Variants in MCUB observed in about 807,000 individuals in gnomAD.
MCUB encodes the protein calcium uniporter regulatory subunit MCUb, mitochondrial.
A neutral mutation model predicts 41.4 loss-of-function variants in MCUB; 46 were observed. That is an observed-to-expected ratio of 1.11 (90% CI 0.88 to 1.42). The LOEUF (loss-of-function observed/expected upper bound fraction) is 1.42, where lower values mean the gene tolerates loss of function less well. MCUB is among the 40% of genes most tolerant of loss of function. MCUB has a pLI of 0.00. For missense variants in MCUB, 403 were observed against 404.9 expected (o/e 1.00, Z 0.04); for synonymous variants, 148 against 148.2 (o/e 1.00, Z 0.01).
intron 1 of MCUB, among the ~76,000 whole-genome samples, chr4:109,586,385 G>C (rs184420185): frequency 6.6e-6 from 1 of 152,058 alleles, no homozygotes. Context: ...GCTTCCTTGC[G>C]ATGGGTTCGA....
intron 1 of MCUB, among the ~76,000 whole-genome samples, chr4:109,581,155 C>G (rs978623026): frequency 6.6e-6 from 1 of 152,198 alleles, no homozygotes; most frequent in Non-Finnish European, 1.5e-5. Context: ...GTAACCAAAA[C>G]AGCATGGTAC....
chr4:109,650,391 G>T (rs888470342), intron 1 of MCUB, among the ~76,000 whole-genome samples: 10 of 152,110 alleles, frequency 6.6e-5, no homozygotes, highest in Non-Finnish European at 2.9e-5. Context: ...TGCAAAAAAG[G>T]TTTAATATTT....
chr4:109,682,066 G>A (rs977328499), intron 4 of MCUB, among the ~76,000 whole-genome samples: 1 of 87,558 alleles, frequency 1.1e-5, no homozygotes, highest in Admixed American at 1.0e-4. Flanking sequence ...TAGCATTTTA[G>A]TGAGTTCTCT....
chr4:109,595,861 C>T (rs1458334083), intron 1 of MCUB, among the ~76,000 whole-genome samples: 1 of 151,856 alleles, frequency 6.6e-6, no homozygotes, highest in Admixed American at 6.5e-5. Flanking sequence ...AGAGGGAGCC[C>T]TGTTTGTCAC....
intron 4 of MCUB, among the ~76,000 whole-genome samples, chr4:109,682,122 G>A (rs59305682): frequency 0.025 from 3,837 of 152,282 alleles, 146 homozygotes; most frequent in African/African-American, 0.088. Context: ...AAAGGTGGAT[G>A]CGGTCACCTT....
chr4:109,650,207 C>T (rs1358637197), intron 1 of MCUB, among the ~76,000 whole-genome samples: 2 of 152,102 alleles, frequency 1.3e-5, no homozygotes, highest in Non-Finnish European at 2.9e-5. Context: ...TTAATAATAA[C>T]CCTCTAAAAA....
chr4:109,610,682 G>A (rs1456284932), intron 1 of MCUB, among the ~76,000 whole-genome samples: 1 of 152,116 alleles, frequency 6.6e-6, no homozygotes, highest in Non-Finnish European at 1.5e-5. Context: ...TGCATCCTTA[G>A]GCGATTTCAT....
At chr4:109,684,375 A>G (rs1579100673) in intron 5 of MCUB, 68 bp from the exon 6 acceptor site, 2 of 1,316,092 alleles carry the variant, frequency 1.5e-6, no homozygotes, top group Admixed American at 2.4e-5. Context: ...GTTCCTTTTC[A>G]TCTTGCTTTT....
intron 1 of MCUB, among the ~76,000 whole-genome samples, chr4:109,582,081 T>G (rs1484322492): frequency 1.3e-5 from 2 of 152,242 alleles, no homozygotes; most frequent in East Asian, 1.9e-4. Flanking sequence ...CATGCACACA[T>G]GTTTATTGAG....
At chr4:109,657,594 A>C (rs1729133807) in intron 1 of MCUB, among the ~76,000 whole-genome samples, 1 of 152,252 alleles carries the variant, frequency 6.6e-6, no homozygotes. Flanking sequence ...AGTATGTTAC[A>C]GCCACCGTGT....
chr4:109,598,738 G>A lies in MCUB; in HGVS notation c.99+38302G>A, dbSNP rs947222817. 9.0e-4 allele frequency among the ~76,000 whole-genome samples: 137 copies of A among 152,120 alleles called. 2 individuals carry two copies. The highest frequency in any genetic ancestry group is 6.5e-4 in the Non-Finnish European group (44 of 68,018). On this transcript the variant is annotated intron_variant, in intron 1 of 7. Transcript: ENST00000394650. Reference sequence around the variant, plus strand: ...AGGCCTGGTTACAAAGGATTTGTCCGAGAACATCAAGCTGAGACTTCTTAT... The same window carrying A: ...AGGCCTGGTTACAAAGGATTTGTCCAAGAACATCAAGCTGAGACTTCTTAT...
intron 1 of MCUB, among the ~76,000 whole-genome samples, chr4:109,573,369 C>T (rs562378635): frequency 6.6e-5 from 10 of 151,144 alleles, no homozygotes; most frequent in Admixed American, 1.3e-4. Context: ...AGCAGAACCG[C>T]GTAAACCTGG....
At chr4:109,634,652 T>C (rs771496453) in intron 1 of MCUB, among the ~76,000 whole-genome samples, 2 of 152,220 alleles carry the variant, frequency 1.3e-5, no homozygotes, top group African/African-American at 2.4e-5. Context: ...TCTTTTTTGC[T>C]TAACTTTGTG....
intron 1 of MCUB, among the ~76,000 whole-genome samples, chr4:109,603,577 C>G (rs539489555): frequency 1.3e-5 from 2 of 151,658 alleles, no homozygotes; most frequent in Non-Finnish European, 2.9e-5. Flanking sequence ...AGGTGAGGAG[C>G]GTCTCTACCT....
intron 1 of MCUB, among the ~76,000 whole-genome samples, chr4:109,564,890 A>G (rs1307809700): frequency 6.6e-6 from 1 of 152,236 alleles, no homozygotes; most frequent in Non-Finnish European, 1.5e-5. Flanking sequence ...CAGTACTACC[A>G]TCTTTCTTTG....
At chr4:109,592,019 T>G (rs980842687) in intron 1 of MCUB, among the ~76,000 whole-genome samples, 1 of 152,154 alleles carries the variant, frequency 6.6e-6, no homozygotes, top group Non-Finnish European at 1.5e-5. Flanking sequence ...TTTTCTTAAC[T>G]TGATCTTTTA....
intron 1 of MCUB, among the ~76,000 whole-genome samples, chr4:109,655,728 C>T (rs1729080018): frequency 6.6e-6 from 1 of 152,058 alleles, no homozygotes; most frequent in South Asian, 2.1e-4. Context: ...TAGCATGTTG[C>T]CACGAAGCCT....
chr4:109,607,001 C>T (rs1370315298), intron 1 of MCUB, among the ~76,000 whole-genome samples: 1 of 152,174 alleles, frequency 6.6e-6, no homozygotes, highest in South Asian at 2.1e-4. Flanking sequence ...CCTGCCTCAG[C>T]TTCCCAAAGT....
chr4:109,603,512 C>T (rs1044006066), intron 1 of MCUB, among the ~76,000 whole-genome samples: 11 of 152,160 alleles, frequency 7.2e-5, no homozygotes, highest in Non-Finnish European at 1.3e-4. Flanking sequence ...TCTGCCCGGC[C>T]GCCACCCCGT....
Sources: gnomAD v4.1 joint callset for allele counts (sites outside exome capture counted in the v4.1 genomes callset) on GRCh38, gnomAD v4.1.1 for gene constraint, MANE v1.5 for transcripts, NCBI Gene and HGNC (gene_info 2026-07-23, HGNC 2026-07-21) for gene names.